ATP8B3: variants seen among roughly 807,000 people sequenced by gnomAD.
ATP8B3 encodes the protein phospholipid-transporting ATPase IK.
In ATP8B3, 141 loss-of-function variants were observed where a neutral mutation model predicts 140.9. The observed-to-expected ratio is 1.00, with a 90% CI of 0.87 to 1.15. The LOEUF (loss-of-function observed/expected upper bound fraction) is 1.15, where lower values mean the gene tolerates loss of function less well. ATP8B3 is among the 50% of genes most tolerant of loss of function. The pLI, the probability that ATP8B3 is intolerant of heterozygous loss-of-function variation, is 0.00. For missense variants in ATP8B3, 1,874 were observed against 1,740.6 expected, an observed-to-expected ratio of 1.08 and a Z score of -1.36; for synonymous variants, 765 against 714.6, an observed-to-expected ratio of 1.07 and a Z score of -1.13.
Position 1,811,876 on chromosome 19 carries a change from G to T in ATP8B3, c.-140C>A. On this transcript the variant is annotated 5_prime_UTR_variant, in exon 2 of 29. Transcript: ENST00000310127. ...ATGCTCAAATGGCCAGAATCCACTC[G>T]AAGTGTATCTGGGGGCAGAAAGAGA... 1 of 950,464 alleles carries T rather than the reference G, an allele frequency of 1.1e-6. No homozygotes were observed. Among genetic ancestry groups the T allele is most frequent in the Non-Finnish European group, 1.5e-6 (1 of 661,976 alleles). 58.9% of individuals were successfully genotyped at this position (950,464 alleles called of 1,614,324 possible).
At position 1,802,486 on chromosome 19, in the gene ATP8B3, C is replaced by T. The variant is rs746065871; in HGVS notation, c.1063+1G>A. 15 of 1,536,564 alleles carry T rather than the reference C, an allele frequency of 9.8e-6. No individual in the cohort carries two copies. Among genetic ancestry groups the T allele is most frequent in the Middle Eastern group, 1.7e-4 (1 of 5,758 alleles). On this transcript the variant is annotated splice_donor_variant, in intron 11 of 28. Transcript: ENST00000310127. LOFTEE classifies it high-confidence loss of function. ...ACTCCAGGACCCTGGAGCAGCCGTA[C>T]CAGCATAAATGACCAGTCCATAGCA...
intron 3 of ATP8B3, 111 bp downstream of exon 3, chr19:1,810,511 G>A (rs1343718086): frequency 9.3e-6 from 10 of 1,076,494 alleles, no homozygotes; most frequent in East Asian, 8.7e-5. Context: ...TGATCCACCC[G>A]CCTCAGCCTC....
At position 1,783,289 on chromosome 19, in the gene ATP8B3, A is replaced by T. The variant is rs1319944387; in HGVS notation, c.3661-19T>A. 6.3e-7 allele frequency: 1 copy of T among 1,599,138 alleles called. No homozygotes were observed. Among genetic ancestry groups the T allele is most frequent in the African/African-American group, 1.3e-5 (1 of 74,600 alleles). On this transcript the variant is annotated intron_variant, in intron 28 of 28. Transcript: ENST00000310127. Reference sequence around the variant, plus strand: ...TCTCCTCCTGAAGAGCAAAGGGGAGAGCAGGGGAAGCAGACTCCTATGCTT... The same window carrying T: ...TCTCCTCCTGAAGAGCAAAGGGGAGTGCAGGGGAAGCAGACTCCTATGCTT...
At chr19:1,788,812 G>A (rs570148927) in intron 24 of ATP8B3, 85 bp downstream of exon 24, 12 of 1,323,020 alleles carry the variant, frequency 9.1e-6, no homozygotes, top group African/African-American at 4.4e-5. Context: ...TTCTCAGTGC[G>A]TCCAGGGCTG....
At chr19:1,809,544 T>C in intron 4 of ATP8B3, 99 bp downstream of exon 4, 1 of 967,840 alleles carries the variant, frequency 1.0e-6, no homozygotes. Flanking sequence ...ATCGAGCAAA[T>C]ACAAGCAGAG....
In ATP8B3 at chr19:1,806,713, G is replaced by C; in HGVS notation, c.616-24C>G. On this transcript the variant is annotated intron_variant, in intron 6 of 28. Coordinates refer to ENST00000310127, the MANE Select transcript of ATP8B3 (RefSeq NM_138813.4). This position sits in a 1 kb window ranked among gnomAD's most constrained non-coding sequence, Gnocchi z 5.6. ...CCCTGGGCCAGGAGGGAAAGGATCA[G>C]AGAGACCGTCCAGCCTCTCCTGCCC... 6.4e-7 allele frequency: 1 copy of C among 1,554,662 alleles called. No homozygotes were observed. The highest frequency in any genetic ancestry group is 8.7e-7 in the Non-Finnish European group (1 of 1,149,434).
chr19:1,782,948 G>C lies in ATP8B3; in HGVS notation c.*80C>G. ...AGAAAATGATGAGCTAGGTGTAGGG[G>C]GGAGCTGTACTTCCTGGGAGGACAC... is the stretch of plus-strand genomic sequence containing the variant. On this transcript the variant is annotated 3_prime_UTR_variant, in exon 29 of 29. Transcript: ENST00000310127. 8.6e-6 allele frequency: 13 copies of C among 1,507,094 alleles called. No homozygotes were observed. Among genetic ancestry groups the C allele is most frequent in the Non-Finnish European group, 1.2e-5 (13 of 1,115,352 alleles). 93.4% of individuals were successfully genotyped at this position (1,507,094 alleles called of 1,614,324 possible). A position where few individuals can be genotyped will look rare whatever the true frequency, so the allele number is the denominator to read the frequency against.
intron 18 of ATP8B3, among the ~76,000 whole-genome samples, chr19:1,795,625 A>G (rs1255509103): frequency 1.3e-5 from 2 of 152,114 alleles, no homozygotes; most frequent in Non-Finnish European, 2.9e-5. Flanking sequence ...TTGGGAGTTC[A>G]GCTGCCTCCC....
At chr19:1,802,426 CATCCATCTA>C in intron 11 of ATP8B3, 52 bp downstream of exon 11, 1 of 1,124,458 alleles carries the variant, frequency 8.9e-7, no homozygotes, top group Non-Finnish European at 1.2e-6. Context: ...CCCATCCCCA[CATCCATCTA>C]CCACGCTCCC....
chr19:1,802,275 A>C (rs1277041448), intron 11 of ATP8B3, among the ~76,000 whole-genome samples: 3 of 13,096 alleles, frequency 2.3e-4, no homozygotes, highest in African/African-American at 1.5e-3. Context: ...TCATCCACCC[A>C]CCCACCCACC....
intron 28 of ATP8B3, among the ~76,000 whole-genome samples, chr19:1,783,771 T>A (rs2068225305): frequency 6.6e-6 from 1 of 152,162 alleles, no homozygotes; most frequent in South Asian, 2.1e-4. Flanking sequence ...TCCAGTCAAT[T>A]CTGGGGCCCA....
chr19:1,789,993 C>CG lies in ATP8B3; in HGVS notation c.2379-5dup. Reference sequence around the variant, plus strand: ...CCAGTAGGTCTCCAGGATGCGGCTGCGGGGCGCAGGGGTCAGCGGGGCAGG... The same window carrying CG: ...CCAGTAGGTCTCCAGGATGCGGCTGCGGGGGCGCAGGGGTCAGCGGGGCAGG... On this transcript the variant is annotated splice_region_variant and splice_polypyrimidine_tract_variant and intron_variant, in intron 21 of 28. Coordinates refer to ENST00000310127, the MANE Select transcript of ATP8B3 (RefSeq NM_138813.4). 1 of 1,540,426 alleles carries CG rather than the reference C, an allele frequency of 6.5e-7. No homozygotes were observed. The highest frequency in any genetic ancestry group is 9.0e-7 in the Non-Finnish European group (1 of 1,114,888).
intron 21 of ATP8B3, 75 bp downstream of exon 21, chr19:1,790,682 G>T: frequency 8.2e-7 from 1 of 1,213,582 alleles, no homozygotes; most frequent in South Asian, 1.5e-5. Flanking sequence ...CCCGTCCAGT[G>T]AGACACGCAC....
intron 24 of ATP8B3, 59 bp downstream of exon 24, chr19:1,788,838 G>A (rs1392257949): frequency 6.2e-6 from 9 of 1,461,142 alleles, no homozygotes; most frequent in Non-Finnish European, 7.5e-6. Context: ...GGCAGCTATG[G>A]GAGGGGCAGG....
At position 1,809,863 on chromosome 19, in the gene ATP8B3, G is replaced by A. The variant is rs565754846; in HGVS notation, c.311-129C>T. ...GGGGAGGCCCGAGATGTCAGAGCCCGTAAACAGACAGTCGGGCAGCAGGCA... is the reference window on the plus strand; with the variant it reads ...GGGGAGGCCCGAGATGTCAGAGCCCATAAACAGACAGTCGGGCAGCAGGCA... On this transcript the variant is annotated intron_variant, in intron 3 of 28. Coordinates refer to ENST00000310127, the MANE Select transcript of ATP8B3 (RefSeq NM_138813.4). 49 of 795,546 alleles carry A rather than the reference G, an allele frequency of 6.2e-5. 1 individual carries two copies. In the South Asian group the frequency reaches 6.4e-4, roughly 10 times the overall value. 49.3% of individuals were successfully genotyped at this position (795,546 alleles called of 1,614,324 possible). A position where few individuals can be genotyped will look rare whatever the true frequency, so the allele number is the denominator to read the frequency against.
Position 1,795,844 on chromosome 19 carries a change from C to T in ATP8B3, c.2055+31G>A, listed in dbSNP as rs997182766. ...ACACACACACACACACACACACACA[C>T]ACATAAGCCAGCCTTCCTGAAGGGA... On this transcript the variant is annotated intron_variant, in intron 18 of 28. Transcript: ENST00000310127. 12 of 1,184,316 alleles carry T rather than the reference C, an allele frequency of 1.0e-5. No individual in the cohort carries two copies. In the African/African-American group the frequency reaches 1.4e-4, roughly 14 times the overall value. 73.4% of individuals were successfully genotyped at this position (1,184,316 alleles called of 1,614,324 possible).
chr19:1,796,351 G>C, intron 16 of ATP8B3, 86 bp from the exon 17 acceptor site: 1 of 1,258,132 alleles, frequency 7.9e-7, no homozygotes, highest in East Asian at 2.5e-5. Flanking sequence ...GTATCGCCTG[G>C]GCTACACCTT....
intron 14 of ATP8B3, among the ~76,000 whole-genome samples, chr19:1,797,635 G>A (rs1305095752): frequency 6.6e-6 from 1 of 151,714 alleles, no homozygotes; most frequent in African/African-American, 2.4e-5. Context: ...GAGTAGCTGG[G>A]ATTACAAGCT....
In ATP8B3 at chr19:1,792,010, G is replaced by A. The variant is rs758121749; in HGVS notation, c.2181C>T (p.Ala727=). 5 of 1,555,742 alleles carry A rather than the reference G, an allele frequency of 3.2e-6. No individual in the cohort carries two copies. In the South Asian group the frequency reaches 5.9e-5, roughly 18 times the overall value. The change falls in exon 19 of 29, where the codon GCC becomes GCT. Residue 727 remains alanine (A), a synonymous_variant. Coordinates refer to ENST00000310127, the MANE Select transcript of ATP8B3 (RefSeq NM_138813.4). ...CCATCTCGTTGTACACCTGTTGCAG[G>A]GCCTGTGCCCGGTTCTGCAGCAGGA... ...ASLLLQNRAQ[A]LQQLLGATAI...
Sources: gnomAD v4.1 joint callset for allele counts (sites outside exome capture counted in the v4.1 genomes callset) on GRCh38, gnomAD v4.1.1 for gene constraint, Gnocchi (gnomAD v3.1) non-coding constraint, MANE v1.5 for transcripts, NCBI Gene and HGNC (gene_info 2026-07-23, HGNC 2026-07-21) for gene names.